Variants in NSUN3 observed in about 807,000 individuals in gnomAD.
The protein encoded by NSUN3 is tRNA (cytosine(34)-C(5))-methyltransferase, mitochondrial.
In NSUN3, 24 loss-of-function variants were observed where a neutral mutation model predicts 36.8. The observed-to-expected ratio is 0.65, with a 90% confidence interval of 0.47 to 0.92. NSUN3 has a LOEUF of 0.92. Among genes scored for constraint, NSUN3 ranks in the 40% least tolerant of loss-of-function variants. The probability of loss-of-function intolerance (pLI) is 0.00; values close to 1 mark genes in which losing one functional copy is unlikely to be tolerated. For synonymous variants in NSUN3, 146 were observed against 145.2 expected (o/e 1.01, Z -0.04); for missense variants, 381 against 392.8 (o/e 0.97, Z 0.25).
rs60234250 is a variant in NSUN3 at position 94,116,985 on chromosome 3, C to CTTT, written c.744-9199_744-9197dup. 3.1e-4 allele frequency among the ~76,000 whole-genome samples: 20 copies of CTTT among 63,954 alleles called. 2 individuals carry two copies. The highest frequency in any genetic ancestry group is 5.5e-4 in the East Asian group (1 of 1,824). The allele number at this position is 63,954 out of a possible 152,430, so 42.0% of individuals were successfully genotyped here. On this transcript the variant is annotated intron_variant, in intron 5 of 5. Transcript: ENST00000314622. ...TTTAAGCCAAGTGAATCTGCCACAACTTTTTTTTTTTTTTTTTTTTTTTTT... is the reference window on the plus strand; with the variant it reads ...TTTAAGCCAAGTGAATCTGCCACAACTTTTTTTTTTTTTTTTTTTTTTTTTTTT...
At chr3:94,074,176 C>A (rs539439781) in intron 2 of NSUN3, among the ~76,000 whole-genome samples, 16 of 152,134 alleles carry the variant, frequency 1.1e-4, no homozygotes, top group Non-Finnish European at 2.2e-4. Context: ...GTTTTGGTAC[C>A]AGTTCCATGC....
At chr3:94,106,643 T>C (rs1229971703) in intron 5 of NSUN3, among the ~76,000 whole-genome samples, 1 of 152,204 alleles carries the variant, frequency 6.6e-6, no homozygotes, top group Non-Finnish European at 1.5e-5. Context: ...TTTTCTTTGG[T>C]CGTAGTGTAT....
In NSUN3 at chr3:94,084,359, G is replaced by T; in HGVS notation, c.375G>T (p.Leu125Phe). 1.2e-6 allele frequency: 2 copies of T among 1,614,060 alleles called. No individual in the cohort carries two copies. Among genetic ancestry groups the T allele is most frequent in the East Asian group, 2.2e-5 (1 of 44,888 alleles). Residue 125 changes from leucine to phenylalanine, a missense_variant, in exon 3 of 6, where the codon TTG becomes TTT. Leu to Phe is a conservative substitution (Grantham distance 22). Transcript: ENST00000314622. The stretch of plus-strand genomic sequence containing the variant: ...ATGCTGCTTCTCTTCTCCCAGTGTT[G>T]GCTCTGGAATTAAGGGATGGGGAGA... ...LLNAASLLPV[L>F]ALELRDGEKV...
intron 5 of NSUN3, among the ~76,000 whole-genome samples, chr3:94,106,402 G>C (rs943922215): frequency 6.6e-6 from 1 of 152,132 alleles, no homozygotes; most frequent in African/African-American, 2.4e-5. Flanking sequence ...ATTTACAGAA[G>C]TCTTTTGATA....
intron 5 of NSUN3, among the ~76,000 whole-genome samples, chr3:94,122,141 TC>T: frequency 9.9e-6 from 1 of 100,726 alleles, no homozygotes; most frequent in Non-Finnish European, 1.9e-5. Flanking sequence ...GCAAGACTCA[TC>T]CCCCCACCTA....
intron 5 of NSUN3, among the ~76,000 whole-genome samples, chr3:94,104,803 A>T (rs2077379202): frequency 6.6e-6 from 1 of 152,216 alleles, no homozygotes; most frequent in African/African-American, 2.4e-5. Flanking sequence ...TTAGGAAGTT[A>T]TGGAATTTTT....
intron 1 of NSUN3, 31 bp downstream of exon 1, chr3:94,063,169 A>G (rs1044983194): frequency 6.2e-7 from 1 of 1,613,156 alleles, no homozygotes; most frequent in Non-Finnish European, 8.5e-7. Flanking sequence ...GGGTACCTCT[A>G]TCTGAATGAG....
intron 2 of NSUN3, among the ~76,000 whole-genome samples, chr3:94,068,384 G>A (rs1470996587): frequency 6.6e-6 from 1 of 152,062 alleles, no homozygotes; most frequent in African/African-American, 2.4e-5. Context: ...TTCTTTCAAG[G>A]TTTTATCGTC....
At chr3:94,079,873 A>C (rs1026113970) in intron 2 of NSUN3, among the ~76,000 whole-genome samples, 1 of 152,046 alleles carries the variant, frequency 6.6e-6, no homozygotes, top group African/African-American at 2.4e-5. Context: ...GGGTTAGAAT[A>C]TGCTCCTTTA....
chr3:94,098,064 C>T (rs565303491), intron 5 of NSUN3, among the ~76,000 whole-genome samples: 34 of 152,078 alleles, frequency 2.2e-4, no homozygotes, highest in Non-Finnish European at 4.1e-4. Flanking sequence ...TTCACCAAAT[C>T]GACAAAACAA....
chr3:94,063,084 C>T lies in NSUN3; in HGVS notation c.-43C>T. On this transcript the variant is annotated 5_prime_UTR_variant, in exon 1 of 6. Coordinates refer to ENST00000314622, the MANE Select transcript of NSUN3 (RefSeq NM_022072.5). The stretch of plus-strand genomic sequence containing the variant: ...TCAGTTCCCTGGAGGCTTTTTGATA[C>T]TGATTCGCGTACACCTGTTGTTTGA... 1.9e-6 allele frequency: 3 copies of T among 1,613,426 alleles called. No homozygotes were observed. Among genetic ancestry groups the T allele is most frequent in the Non-Finnish European group, 8.5e-7 (1 of 1,179,454 alleles).
intron 2 of NSUN3, among the ~76,000 whole-genome samples, chr3:94,073,857 G>C (rs187939038): frequency 6.8e-4 from 104 of 152,258 alleles, no homozygotes; most frequent in African/African-American, 2.4e-3. Context: ...TGGTGTTTTA[G>C]ACATGAAGTC....
rs1349346033 is a variant in NSUN3 at position 94,128,241 on chromosome 3, T to A, written c.*1751T>A. 1.3e-5 allele frequency: 2 copies of A among 151,838 alleles called. No individual in the cohort carries two copies. The highest frequency in any genetic ancestry group is 4.8e-5 in the African/African-American group (2 of 41,346). The allele number at this position is 151,838 out of a possible 1,614,324, so 9.4% of individuals were successfully genotyped here. On this transcript the variant is annotated 3_prime_UTR_variant, in exon 6 of 6. Transcript: ENST00000314622. ...CCCCGTAGCAAAAAAATAATAATAATAGTAATTAAATAAAAATAAAGTAAC... is the reference window on the plus strand; with the variant it reads ...CCCCGTAGCAAAAAAATAATAATAAAAGTAATTAAATAAAAATAAAGTAAC...
intron 2 of NSUN3, chr3:94,076,386 G>C (rs2077245891): frequency 3.7e-6 from 3 of 806,176 alleles, no homozygotes; most frequent in Admixed American, 1.7e-5. Flanking sequence ...GAGTGGCTTG[G>C]TTTGGAAGTA....
chr3:94,067,185 G>A (rs1403689732), intron 2 of NSUN3, among the ~76,000 whole-genome samples: 4 of 152,190 alleles, frequency 2.6e-5, no homozygotes, highest in African/African-American at 4.8e-5. Context: ...TTTGGTGAGT[G>A]TCCCTGGTTG....
intron 3 of NSUN3, among the ~76,000 whole-genome samples, chr3:94,087,469 T>C (rs1479363236): frequency 1.3e-5 from 2 of 152,234 alleles, no homozygotes; most frequent in Admixed American, 6.5e-5. Flanking sequence ...TGTTACCACA[T>C]TGATGGACTC....
intron 2 of NSUN3, among the ~76,000 whole-genome samples, chr3:94,066,961 G>A (rs142950688): frequency 1.2e-3 from 184 of 152,222 alleles, no homozygotes; most frequent in African/African-American, 4.2e-3. Context: ...CCTGGGAGGC[G>A]ATCTCTAAGC....
At chr3:94,063,412 G>C in intron 1 of NSUN3, 1 of 496,844 alleles carries the variant, frequency 2.0e-6, no homozygotes, top group Non-Finnish European at 3.7e-6. Context: ...GGTATCCCGG[G>C]AGCTTAGAAC....
At chr3:94,102,335 T>C (rs2077369593) in intron 5 of NSUN3, among the ~76,000 whole-genome samples, 1 of 152,110 alleles carries the variant, frequency 6.6e-6, no homozygotes, top group African/African-American at 2.4e-5. Flanking sequence ...ATTGATGTGT[T>C]TATATTGGAA....
Sources: gnomAD v4.1 joint callset for allele counts (sites outside exome capture counted in the v4.1 genomes callset) on GRCh38, gnomAD v4.1.1 for gene constraint, MANE v1.5 for transcripts, NCBI Gene and HGNC (gene_info 2026-07-23, HGNC 2026-07-21) for gene names.